Variants in COL25A1 observed in about 807,000 individuals in gnomAD.
COL25A1 encodes the protein collagen type XXV alpha 1 chain.
In COL25A1, 103 loss-of-function variants were observed where a neutral mutation model predicts 128.4. The ratio of observed to expected loss-of-function variants is 0.80; its 90% CI spans 0.68 to 0.94. The LOEUF (loss-of-function observed/expected upper bound fraction) is 0.94. COL25A1 is among the 40% of genes least tolerant of loss of function. COL25A1 has a pLI of 0.00. For missense variants in COL25A1, 745 were observed against 840.0 expected, an observed-to-expected ratio of 0.89 and a Z score of 1.40; for synonymous variants, 279 against 277.2, an observed-to-expected ratio of 1.01 and a Z score of -0.06.
At chr4:109,269,898 T>G (rs1782076422) in intron 3 of COL25A1, among the ~76,000 whole-genome samples, 1 of 152,322 alleles carries the variant, frequency 6.6e-6, no homozygotes, top group African/African-American at 2.4e-5. Flanking sequence ...ATCCCTGGGA[T>G]GCAAGGCTGG....
At chr4:108,998,856 C>T (rs1755049777) in intron 6 of COL25A1, among the ~76,000 whole-genome samples, 1 of 152,148 alleles carries the variant, frequency 6.6e-6, no homozygotes, top group Admixed American at 6.5e-5. Context: ...CAAAAACAAG[C>T]AATGGGGAAA....
At chr4:108,929,440 G>A (rs982244684) in intron 11 of COL25A1, among the ~76,000 whole-genome samples, 2 of 152,050 alleles carry the variant, frequency 1.3e-5, no homozygotes, top group Admixed American at 1.3e-4. Flanking sequence ...ACTAGAAATT[G>A]ATGCAATTAC....
chr4:109,044,555 A>G (rs1398214080), intron 5 of COL25A1, among the ~76,000 whole-genome samples: 1 of 152,128 alleles, frequency 6.6e-6, no homozygotes, highest in African/African-American at 2.4e-5. Flanking sequence ...ACAGCAAAAT[A>G]TACATCAAGA....
At chr4:109,088,555 A>C (rs1764615604) in intron 3 of COL25A1, among the ~76,000 whole-genome samples, 2 of 152,204 alleles carry the variant, frequency 1.3e-5, no homozygotes, top group Non-Finnish European at 2.9e-5. Flanking sequence ...TATCCCATTC[A>C]ACTTGCACCC....
At chr4:109,210,409 T>G (rs77611897) in intron 3 of COL25A1, among the ~76,000 whole-genome samples, 6,555 of 152,252 alleles carry the variant, frequency 0.043, 383 homozygotes, top group South Asian at 0.14. Flanking sequence ...AAATAGTCGC[T>G]CTCTCTTTTA....
intron 5 of COL25A1, among the ~76,000 whole-genome samples, chr4:109,015,249 T>A (rs1013759013): frequency 2.0e-5 from 3 of 152,240 alleles, no homozygotes; most frequent in African/African-American, 7.2e-5. Context: ...TACAAATATT[T>A]TCATTCGTTA....
intron 31 of COL25A1, among the ~76,000 whole-genome samples, chr4:108,834,640 A>T (rs1179918489): frequency 6.6e-6 from 1 of 152,136 alleles, no homozygotes; most frequent in Admixed American, 6.5e-5. Context: ...AATCAAGCTA[A>T]TGAAGTGTAT....
At chr4:109,055,377 A>T (rs1474771835) in intron 3 of COL25A1, among the ~76,000 whole-genome samples, 1 of 152,172 alleles carries the variant, frequency 6.6e-6, no homozygotes, top group African/African-American at 2.4e-5. Flanking sequence ...CTCCATGACT[A>T]AAACAAGTTT....
chr4:109,237,735 A>AT (rs1779569791), intron 3 of COL25A1, among the ~76,000 whole-genome samples: 2 of 151,768 alleles, frequency 1.3e-5, no homozygotes, highest in Admixed American at 1.3e-4. Flanking sequence ...AAGTATACTC[A>AT]TATTGTTGTA....
chr4:109,043,586 T>TA (rs33927518), intron 5 of COL25A1, among the ~76,000 whole-genome samples: 76,086 of 151,284 alleles, frequency 0.5, 21,201 homozygotes, highest in African/African-American at 0.73. Context: ...AACAGCCAGT[T>TA]AAAAAAAAGG....
chr4:109,047,733 T>TCA (rs1760572607), intron 5 of COL25A1, among the ~76,000 whole-genome samples: 1 of 138,700 alleles, frequency 7.2e-6, no homozygotes, highest in African/African-American at 2.7e-5. Context: ...ATACTCTTTT[T>TCA]TTTTTTTTTT....
chr4:108,937,788 A>G lies in COL25A1; in HGVS notation c.708+20T>C. On this transcript the variant is annotated intron_variant, in intron 11 of 37. Coordinates refer to ENST00000399132, the MANE Select transcript of COL25A1 (RefSeq NM_198721.4). ...AAACAACCAGGCTTAGTATAGAAAAAGATAAACTGAGATACTTGCCATCAA... is the reference window on the plus strand; with the variant it reads ...AAACAACCAGGCTTAGTATAGAAAAGGATAAACTGAGATACTTGCCATCAA... 1.9e-6 allele frequency: 3 copies of G among 1,595,152 alleles called. No individual in the cohort carries two copies. The highest frequency in any genetic ancestry group is 1.7e-6 in the Non-Finnish European group (2 of 1,169,332).
chr4:109,009,071 G>A lies in COL25A1; in HGVS notation c.438+1287C>T, dbSNP rs371712638. Among the ~76,000 whole-genome samples the A allele has an allele frequency of 1.9e-4, 29 of 152,238 alleles. No homozygotes were observed. The South Asian group carries it at 3.9e-3, about 21-fold the overall frequency. On this transcript the variant is annotated intron_variant, in intron 6 of 37. Transcript: ENST00000399132. ...CGGGAGGCGGAAGTTGCAGTGAGCC[G>A]AAACTGCACCATTGCACTCCAGCCT...
chr4:108,843,333 T>C lies in COL25A1; in HGVS notation c.1629+1186A>G, dbSNP rs189215140. Among the ~76,000 whole-genome samples, 9 of 152,218 alleles carry C rather than the reference T, an allele frequency of 5.9e-5. No homozygotes were observed. In the East Asian group the frequency reaches 1.4e-3, roughly 23 times the overall value. ...TCCAATAATGCTCTTTCTTGTGCAA[T>C]GGGAGGAAAGAGTGACCATAATTTA... On this transcript the variant is annotated intron_variant, in intron 30 of 37. Transcript: ENST00000399132.
rs576373302 is a variant in COL25A1, at chr4:109,142,215, G to A, written c.368-92036C>T. Among the ~76,000 whole-genome samples the A allele has an allele frequency of 1.6e-3, 246 of 152,276 alleles. 1 individual carries two copies. The highest frequency in any genetic ancestry group is 5.6e-3 in the African/African-American group (232 of 41,568). On this transcript the variant is annotated intron_variant, in intron 3 of 37. Transcript: ENST00000399132. Reference sequence around the variant, plus strand: ...TAGTCATTCAGGAGCAGGTTGTTCAGTTTCCATGTAGTTGTGCAGTTTTGA... The same window carrying A: ...TAGTCATTCAGGAGCAGGTTGTTCAATTTCCATGTAGTTGTGCAGTTTTGA...
intron 5 of COL25A1, among the ~76,000 whole-genome samples, chr4:109,034,618 A>C (rs1759172046): frequency 6.6e-6 from 1 of 152,196 alleles, no homozygotes; most frequent in Non-Finnish European, 1.5e-5. Flanking sequence ...ATTAACTCTT[A>C]ACAATTCTAT....
At chr4:109,189,451 G>A (rs927721933) in intron 3 of COL25A1, among the ~76,000 whole-genome samples, 1 of 150,410 alleles carries the variant, frequency 6.6e-6, no homozygotes, top group African/African-American at 2.5e-5. Flanking sequence ...GGTAGGCTGA[G>A]GCAGGAGAAT....
intron 6 of COL25A1, among the ~76,000 whole-genome samples, chr4:109,003,832 T>C (rs576212309): frequency 1.3e-5 from 2 of 150,204 alleles, no homozygotes; most frequent in East Asian, 3.9e-4. Context: ...AAACGAAATA[T>C]AAATGCTCAT....
At chr4:109,220,615 T>C (rs924304463) in intron 3 of COL25A1, among the ~76,000 whole-genome samples, 2 of 152,192 alleles carry the variant, frequency 1.3e-5, no homozygotes, top group Admixed American at 1.3e-4. Flanking sequence ...TTGATAAGCA[T>C]ATAGAAATGT....
Sources: gnomAD v4.1 joint callset for allele counts (sites outside exome capture counted in the v4.1 genomes callset) on GRCh38, gnomAD v4.1.1 for gene constraint, MANE v1.5 for transcripts, NCBI Gene and HGNC (gene_info 2026-07-23, HGNC 2026-07-21) for gene names.